Variants in BDP1 observed in about 807,000 individuals in gnomAD.
The protein encoded by BDP1 is BDP1 general transcription factor IIIB subunit, also known as transcription factor TFIIIB component B'' homolog.
In BDP1, 169 loss-of-function variants were observed where a neutral mutation model predicts 266.6. That is an observed-to-expected ratio of 0.63 (90% CI 0.56 to 0.72). The LOEUF is 0.72. Ranked by LOEUF, BDP1 falls within the 30% of genes least tolerant of loss-of-function variation. The pLI, the probability that BDP1 is intolerant of heterozygous loss-of-function variation, is 0.00. For missense variants in BDP1, 3,015 were observed against 3,053.8 expected (o/e 0.99, Z 0.30); for synonymous variants, 1,090 against 1,022.4 (o/e 1.07, Z -1.26).
At chr5:71,466,025 A>T (rs1340057630) in intron 4 of BDP1, 71 bp from the exon 5 acceptor site, 2 of 1,487,652 alleles carry the variant, frequency 1.3e-6, no homozygotes, top group African/African-American at 2.8e-5. Context: ...GTAATCATTT[A>T]TTTTAAGTTT....
intron 6 of BDP1, among the ~76,000 whole-genome samples, chr5:71,468,943 C>G (rs1302720265): frequency 6.6e-6 from 1 of 152,056 alleles, no homozygotes; most frequent in Non-Finnish European, 1.5e-5. Flanking sequence ...AATGTTCTAC[C>G]TCAGATAATA....
chr5:71,487,075 A>G (rs988901841), intron 9 of BDP1, among the ~76,000 whole-genome samples: 8 of 152,146 alleles, frequency 5.3e-5, no homozygotes, highest in African/African-American at 1.9e-4. Flanking sequence ...TAGAAATTGT[A>G]TATATGTAGG....
At position 71,564,862 on chromosome 5, in the gene BDP1, A is replaced by G. The variant is rs1743931821; in HGVS notation, c.7852A>G (p.Ile2618Val). Residue 2618 changes from isoleucine (I) to valine (V), a missense_variant, in exon 39 of 39, where the codon ATT becomes GTT. This residue lies in a region of BDP1 where 629 missense variants were observed against 632.5 expected (regional missense o/e 0.99). Coordinates refer to ENST00000358731, the MANE Select transcript of BDP1 (RefSeq NM_018429.3). ...TGAATATTTCTTCAATGATATCTTC[A>G]TTGAAGTGGATGAAACAGAATAAAA... ...VSEYFFNDIF[I>V]EVDETE 1.2e-6 allele frequency: 2 copies of G among 1,606,054 alleles called. No homozygotes were observed. Among genetic ancestry groups the G allele is most frequent in the Admixed American group, 1.7e-5 (1 of 58,126 alleles).
Position 71,544,473 on chromosome 5 carries a change from A to G in BDP1, c.6529A>G (p.Thr2177Ala), listed in dbSNP as rs767588729. 1 of 1,613,544 alleles carries G rather than the reference A, an allele frequency of 6.2e-7. No homozygotes were observed. Among genetic ancestry groups the G allele is most frequent in the Non-Finnish European group, 8.5e-7 (1 of 1,179,776 alleles). ...KLACVHGIKGTSISSEVNLTE... is the reference protein window; with the variant it reads ...KLACVHGIKGASISSEVNLTE... ...GGCATGTGTACATGGTATCAAAGGG[A>G]CCAGTATTTCTTCAGAAGTAAACCT... Residue 2177 changes from threonine to alanine, a missense_variant, in exon 31 of 39, where the codon ACC becomes GCC. Physicochemically the swap from Thr to Ala is moderately conservative, Grantham distance 58. Around this residue, in one of 3 missense-constraint regions of BDP1, gnomAD observed 629 missense variants for 632.5 expected, o/e 0.99. Transcript: ENST00000358731.
At chr5:71,533,298 T>C (rs961533692) in intron 26 of BDP1, among the ~76,000 whole-genome samples, 3 of 152,214 alleles carry the variant, frequency 2.0e-5, no homozygotes, top group African/African-American at 7.2e-5. Context: ...TTTCTAAAAA[T>C]GTAATTGCTG....
intron 13 of BDP1, among the ~76,000 whole-genome samples, chr5:71,501,216 C>T (rs1322040130): frequency 6.6e-6 from 1 of 152,124 alleles, no homozygotes; most frequent in African/African-American, 2.4e-5. Context: ...CACTCTGTCA[C>T]CCAGGCTGGA....
chr5:71,496,675 C>T (rs767976125), intron 12 of BDP1, among the ~76,000 whole-genome samples: 3 of 152,128 alleles, frequency 2.0e-5, no homozygotes, highest in African/African-American at 4.8e-5. Flanking sequence ...CCCCGCCTCC[C>T]GGGTTCAAGG....
At chr5:71,496,123 T>G (rs1763874747) in intron 12 of BDP1, among the ~76,000 whole-genome samples, 1 of 151,506 alleles carries the variant, frequency 6.6e-6, no homozygotes, top group Admixed American at 6.6e-5. Context: ...GCACCTGTAG[T>G]CCCAGCTACT....
intron 30 of BDP1, among the ~76,000 whole-genome samples, chr5:71,543,156 C>T (rs1212084289): frequency 6.6e-6 from 1 of 152,190 alleles, no homozygotes; most frequent in Non-Finnish European, 1.5e-5. Flanking sequence ...TGGTGCATGT[C>T]TGTAGTCCTA....
rs1765650601 is a variant in BDP1 at position 71,524,165 on chromosome 5, C to T, written c.5614C>T (p.Gln1872Ter). The change falls in exon 25 of 39, where the codon CAG (glutamine) becomes TAG (stop). Residue 1872 changes from glutamine (Q) to a stop codon, truncating the protein, a stop_gained. Coordinates refer to ENST00000358731, the MANE Select transcript of BDP1 (RefSeq NM_018429.3). LOFTEE classifies it high-confidence loss of function. ...CATGCTGGTGACTCTTCGGGCTTCCCAGGAAGAAGATGATGATGCTGACGA... is the reference window on the plus strand; with the variant it reads ...CATGCTGGTGACTCTTCGGGCTTCCTAGGAAGAAGATGATGATGCTGACGA... ...KAMLVTLRAS[Q>*]EEDDDADDFE... 3.7e-6 allele frequency: 6 copies of T among 1,614,162 alleles called. No homozygotes were observed. Among genetic ancestry groups the T allele is most frequent in the Non-Finnish European group, 5.1e-6 (6 of 1,180,028 alleles).
Position 71,548,844 on chromosome 5 carries a change from CTA to C in BDP1, c.6808+101_6808+102del, listed in dbSNP as rs570052805. The C allele has an allele frequency of 7.9e-4, 664 of 840,028 alleles. 3 individuals are homozygous for C. The highest frequency in any genetic ancestry group is 2.2e-4 in the Non-Finnish European group (112 of 519,286). 52.0% of individuals were successfully genotyped at this position (840,028 alleles called of 1,614,324 possible). ...AAACATAAAACAGTTGTATTTTAGT[CTA>C]TGCTGGCCTTAAATTTAAAACGTTT... On this transcript the variant is annotated intron_variant, in intron 33 of 38. Coordinates refer to ENST00000358731, the MANE Select transcript of BDP1 (RefSeq NM_018429.3).
At chr5:71,473,867 C>T (rs1248911049) in intron 7 of BDP1, among the ~76,000 whole-genome samples, 1 of 144,136 alleles carries the variant, frequency 6.9e-6, no homozygotes, top group African/African-American at 2.6e-5. Context: ...GTGTGATGTT[C>T]CCCTTCCTGT....
At chr5:71,514,000 C>T (rs1026368755) in intron 19 of BDP1, among the ~76,000 whole-genome samples, 4 of 151,864 alleles carry the variant, frequency 2.6e-5, no homozygotes, top group Non-Finnish European at 2.9e-5. Context: ...TGGGATTACG[C>T]TGAGCCGTGG....
chr5:71,548,806 T>C, intron 33 of BDP1, 61 bp downstream of exon 33: 2 of 1,193,776 alleles, frequency 1.7e-6, no homozygotes, highest in Non-Finnish European at 2.5e-6. Context: ...TTACCCCTTA[T>C]TTAACTATGG....
intron 1 of BDP1, among the ~76,000 whole-genome samples, chr5:71,457,348 G>A (rs1473910332): frequency 7.0e-6 from 1 of 143,406 alleles, no homozygotes; most frequent in Non-Finnish European, 1.5e-5. Context: ...TTTAGATGGA[G>A]TCTTGCTCTG....
At chr5:71,498,884 C>T (rs1433933541) in intron 13 of BDP1, among the ~76,000 whole-genome samples, 3 of 151,926 alleles carry the variant, frequency 2.0e-5, no homozygotes, top group Admixed American at 2.0e-4. Flanking sequence ...CCACCACGCC[C>T]AGCTAATTTT....
intron 7 of BDP1, among the ~76,000 whole-genome samples, chr5:71,481,924 C>A (rs889749903): frequency 1.3e-5 from 2 of 152,062 alleles, no homozygotes; most frequent in African/African-American, 4.8e-5. Flanking sequence ...AATTCTCATG[C>A]TACATCCCTG....
intron 5 of BDP1, 41 bp downstream of exon 5, chr5:71,466,262 G>A: frequency 2.5e-6 from 4 of 1,609,632 alleles, no homozygotes; most frequent in Non-Finnish European, 3.4e-6. Flanking sequence ...GGTTACATGA[G>A]AACAAACATG....
intron 9 of BDP1, among the ~76,000 whole-genome samples, 161 bp from the exon 10 acceptor site, chr5:71,489,243 A>G (rs1020611983): frequency 1.6e-4 from 24 of 152,224 alleles, no homozygotes; most frequent in African/African-American, 5.1e-4. Context: ...GTGGATTTTT[A>G]TATATTATTT....
Sources: allele counts gnomAD v4.1 joint callset (sites outside exome capture counted in the v4.1 genomes callset), GRCh38; gene constraint gnomAD v4.1.1; regional missense constraint gnomAD v4.1.1; transcripts MANE v1.5; gene names NCBI Gene and HGNC (gene_info 2026-07-23, HGNC 2026-07-21).